The following RELB variants were observed in gnomAD, a reference collection of about 807,000 sequenced individuals.
RELB encodes transcription factor RelB.
In RELB, 14 loss-of-function variants were observed where a neutral mutation model predicts 55.4. The ratio of observed to expected loss-of-function variants is 0.25; its 90% CI spans 0.17 to 0.40. The LOEUF (loss-of-function observed/expected upper bound fraction) is 0.40, where lower values mean the gene tolerates loss of function less well. Ranked by LOEUF, RELB falls within the 10% of genes least tolerant of loss-of-function variation. The pLI, the probability that RELB is intolerant of heterozygous loss-of-function variation, is 1.00. For missense variants in RELB, 669 were observed against 830.7 expected (o/e 0.81, Z 2.39); for synonymous variants, 409 against 371.3 (o/e 1.10, Z -1.17).
chr19:45,012,439 A>G (rs1332085588), intron 4 of RELB, among the ~76,000 whole-genome samples, 163 bp downstream of exon 4: 1 of 152,176 alleles, frequency 6.6e-6, no homozygotes, highest in Non-Finnish European at 1.5e-5. Flanking sequence ...AAAGGTTCAG[A>G]AAAAAGGAGG....
chr19:45,030,292 G>T (rs1389635902), intron 8 of RELB, among the ~76,000 whole-genome samples: 1 of 152,050 alleles, frequency 6.6e-6, no homozygotes, highest in African/African-American at 2.4e-5. Flanking sequence ...GGGCAACATA[G>T]CAAGCCCCCA....
Position 45,022,172 on chromosome 19 carries a change from C to T in RELB, c.624C>T (p.Cys208=). ...LVGKDCTDGI[C]RVRLRPHVSP... ...GGAAAGACTGCACCGACGGCATCTG[C>T]AGGGTGCGGCTCCGGCCTCACGTCA... is the stretch of plus-strand genomic sequence containing the variant. The change falls in exon 5 of 12, where the codon TGC becomes TGT. Residue 208 remains cysteine, a synonymous_variant. Transcript: ENST00000221452. The T allele has an allele frequency of 6.2e-7, 1 of 1,611,256 alleles. No homozygotes were observed. Among genetic ancestry groups the T allele is most frequent in the Non-Finnish European group, 8.5e-7 (1 of 1,179,666 alleles).
intron 4 of RELB, among the ~76,000 whole-genome samples, chr19:45,016,145 C>T (rs1265727595): frequency 2.6e-5 from 4 of 151,746 alleles, no homozygotes; most frequent in African/African-American, 4.8e-5. Context: ...CCAGCAGGCC[C>T]GGCTAATTTT....
In RELB at chr19:45,002,848, G is replaced by A. The variant is rs922469025; in HGVS notation, c.107-101G>A. On this transcript the variant is annotated intron_variant, in intron 1 of 11. Coordinates refer to ENST00000221452, the MANE Select transcript of RELB (RefSeq NM_006509.4). ...GTCAGGGCGAGGGGCCTGATCCAGA[G>A]GGGAAGGGCTAGAAGAGGAAGGGGT... 5.2e-6 allele frequency: 5 copies of A among 966,816 alleles called. No homozygotes were observed. In the African/African-American group the frequency reaches 8.1e-5, roughly 16 times the overall value. The allele number at this position is 966,816 out of a possible 1,614,324, so 59.9% of individuals were successfully genotyped here. A position where few individuals can be genotyped will look rare whatever the true frequency, so the allele number is the denominator to read the frequency against.
chr19:45,001,630 C>T lies in RELB; in HGVS notation c.51C>T (p.Ala17=). 1 of 1,524,316 alleles carries T rather than the reference C, an allele frequency of 6.6e-7. No individual in the cohort carries two copies. Among genetic ancestry groups the T allele is most frequent in the South Asian group, 1.2e-5 (1 of 82,828 alleles). The allele number at this position is 1,524,316 out of a possible 1,614,324, so 94.4% of individuals were successfully genotyped here. ...ASGPSVPTGR[A]MPSRRVARPP... is the part of the protein sequence containing the mutation. ...GGCCGTCCGTCCCCACTGGCCGGGC[C>T]ATGCCGAGTCGCCGCGTCGCCAGAC... The change falls in exon 1 of 12, where the codon GCC becomes GCT. Residue 17 remains alanine, a synonymous_variant. Transcript: ENST00000221452.
rs759774364 is a variant in RELB at position 45,022,185 on chromosome 19, C to T, written c.637C>T (p.Arg213Trp). The T allele has an allele frequency of 1.9e-6, 3 of 1,607,314 alleles. No individual in the cohort carries two copies. The highest frequency in any genetic ancestry group is 3.3e-5 in the Admixed American group (2 of 59,818). The change falls in exon 5 of 12, where the codon CGG becomes TGG. Residue 213 changes from arginine to tryptophan, a missense_variant. Physicochemically the swap from Arg to Trp is moderately radical, Grantham distance 101. Around this residue, in one of 3 missense-constraint regions of RELB, gnomAD observed 323 missense variants for 368.5 expected, o/e 0.88. Coordinates refer to ENST00000221452, the MANE Select transcript of RELB (RefSeq NM_006509.4). ...CGACGGCATCTGCAGGGTGCGGCTC[C>T]GGCCTCACGTCAGCCCCCGGCACAG... Reference protein sequence around the residue: ...CTDGICRVRLRPHVSPRHSFN... With the variant: ...CTDGICRVRLWPHVSPRHSFN...
chr19:45,003,960 G>T lies in RELB; in HGVS notation c.154+964G>T, dbSNP rs1186967949. 2.8e-5 allele frequency among the ~76,000 whole-genome samples: 3 copies of T among 106,116 alleles called. 1 individual carries two copies. The highest frequency in any genetic ancestry group is 1.5e-4 in the Admixed American group (1 of 6,670). The allele number at this position is 106,116 out of a possible 152,430, so 69.6% of individuals were successfully genotyped here. On this transcript the variant is annotated intron_variant, in intron 2 of 11. Transcript: ENST00000221452. The stretch of plus-strand genomic sequence containing the variant: ...TTTTTTTGAGACAGAGTCTCGCTGT[G>T]TCACCCAGGCTGGAGTACATTGATG...
At chr19:45,029,241 C>T (rs907246479) in intron 8 of RELB, among the ~76,000 whole-genome samples, 1 of 152,150 alleles carries the variant, frequency 6.6e-6, no homozygotes, top group African/African-American at 2.4e-5. Context: ...GCAAGCTAGG[C>T]GGTGCCATCA....
rs753483172 is a variant in RELB at position 45,021,284 on chromosome 19, G to T, written c.505-769G>T. Among the ~76,000 whole-genome samples, 28 of 151,646 alleles carry T rather than the reference G, an allele frequency of 1.8e-4. 1 individual carries two copies. Among genetic ancestry groups the T allele is most frequent in the Admixed American group, 5.9e-4 (9 of 15,168 alleles). ...GTCAGGAGATCGAGACCATCCTGGC[G>T]AACACGGTGAAACCCCATCTCTACT... is the stretch of plus-strand genomic sequence containing the variant. On this transcript the variant is annotated intron_variant, in intron 4 of 11. Transcript: ENST00000221452.
At chr19:45,037,283 GAAAAA>G in intron 11 of RELB, 117 bp from the exon 12 acceptor site, 2 of 872,932 alleles carry the variant, frequency 2.3e-6, no homozygotes, top group Non-Finnish European at 3.2e-6. Context: ...CTCCATCTCA[GAAAAA>G]AAAAAAAAAA....
chr19:45,025,773 T>G (rs1373856198), intron 7 of RELB, 36 bp downstream of exon 7: 2 of 1,612,854 alleles, frequency 1.2e-6, no homozygotes, highest in Non-Finnish European at 8.5e-7. Context: ...AGGATTGCCC[T>G]TGGCTGCAGG....
chr19:45,008,397 C>T, intron 2 of RELB: 1 of 455,922 alleles, frequency 2.2e-6, no homozygotes, highest in East Asian at 6.9e-5. Context: ...GACTCAGTCT[C>T]CCCCTACAGC....
chr19:45,034,402 G>C (rs1379961347), intron 10 of RELB, 49 bp from the exon 11 acceptor site: 1 of 1,610,616 alleles, frequency 6.2e-7, no homozygotes, highest in African/African-American at 1.3e-5. Flanking sequence ...CCAGGCTGGG[G>C]AGGAAGGGCT....
chr19:45,031,985 C>T (rs184062068), intron 8 of RELB, among the ~76,000 whole-genome samples: 27 of 151,736 alleles, frequency 1.8e-4, no homozygotes, highest in Middle Eastern at 3.4e-3. Flanking sequence ...CATCTGTAAT[C>T]CCAGCACTTT....
intron 2 of RELB, chr19:45,008,424 G>A (rs778707114): frequency 3.3e-5 from 15 of 456,044 alleles, no homozygotes; most frequent in South Asian, 2.3e-4. Flanking sequence ...GCCTCTGGAG[G>A]GTCCAAAGTC....
chr19:45,025,290 C>A, intron 5 of RELB, 39 bp from the exon 6 acceptor site: 1 of 1,462,156 alleles, frequency 6.8e-7, no homozygotes, highest in Non-Finnish European at 9.4e-7. Context: ...CACTTGCCTG[C>A]TCACGAGCAC....
At chr19:45,023,614 A>G (rs907094908) in intron 5 of RELB, among the ~76,000 whole-genome samples, 30 of 142,216 alleles carry the variant, frequency 2.1e-4, no homozygotes, top group Non-Finnish European at 2.7e-4. Flanking sequence ...TTTTTTTTGT[A>G]TTTTTAGTAC....
intron 4 of RELB, among the ~76,000 whole-genome samples, chr19:45,013,235 G>A (rs544659812): frequency 5.3e-5 from 8 of 151,892 alleles, no homozygotes; most frequent in East Asian, 2.0e-4. Flanking sequence ...TCCACCTCCC[G>A]GGTTCAAGCG....
chr19:45,036,588 C>CT (rs543300741), intron 11 of RELB, among the ~76,000 whole-genome samples: 82 of 152,272 alleles, frequency 5.4e-4, no homozygotes, highest in African/African-American at 1.9e-3. Flanking sequence ...TCAGGGAAAA[C>CT]TCTCCACAGC....
Sources: gnomAD v4.1 joint callset for allele counts (sites outside exome capture counted in the v4.1 genomes callset) on GRCh38, gnomAD v4.1.1 for gene constraint, gnomAD v4.1.1 regional missense constraint, MANE v1.5 for transcripts, NCBI Gene and HGNC (gene_info 2026-07-23, HGNC 2026-07-21) for gene names.